CEP44: variants seen among roughly 807,000 people sequenced by gnomAD.
CEP44 encodes centrosomal protein of 44 kDa.
A neutral mutation model predicts 46.7 loss-of-function variants in CEP44; 45 were observed. The observed-to-expected ratio is 0.96, with a 90% confidence interval of 0.76 to 1.24. CEP44 has a LOEUF of 1.24. CEP44 is among the 50% of genes most tolerant of loss of function. The probability of loss-of-function intolerance (pLI) is 0.00; values close to 1 mark genes in which losing one functional copy is unlikely to be tolerated. For synonymous variants in CEP44, 142 were observed against 146.0 expected (o/e 0.97, Z 0.20); for missense variants, 475 against 459.7 (o/e 1.03, Z -0.30).
At position 174,318,188 on chromosome 4, in the gene CEP44, T is replaced by C. The variant is rs1301556686; in HGVS notation, c.*805T>C. 4 of 671,134 alleles carry C rather than the reference T, an allele frequency of 6.0e-6. No individual in the cohort carries two copies. Among genetic ancestry groups the C allele is most frequent in the Non-Finnish European group, 7.4e-6 (4 of 543,272 alleles). 41.6% of individuals were successfully genotyped at this position (671,134 alleles called of 1,614,324 possible). A position where few individuals can be genotyped will look rare whatever the true frequency, so the allele number is the denominator to read the frequency against. Reference sequence around the variant, plus strand: ...AAGTGATTCTTGTGCCTCAGCCTCCTGAGTAGCTGGGATTATAGGCATGCA... The same window carrying C: ...AAGTGATTCTTGTGCCTCAGCCTCCCGAGTAGCTGGGATTATAGGCATGCA... On this transcript the variant is annotated 3_prime_UTR_variant, in exon 12 of 12. Coordinates refer to ENST00000503780, the MANE Select transcript of CEP44 (RefSeq NM_001040157.3).
intron 3 of CEP44, among the ~76,000 whole-genome samples, chr4:174,300,017 C>T (rs1739529376): frequency 6.6e-6 from 1 of 152,024 alleles, no homozygotes; most frequent in South Asian, 2.1e-4. Context: ...ACTGTGGAAT[C>T]CCCCCATCTA....
At chr4:174,295,636 C>T (rs981993656) in intron 1 of CEP44, among the ~76,000 whole-genome samples, 85 of 152,042 alleles carry the variant, frequency 5.6e-4, no homozygotes, top group Non-Finnish European at 1.0e-3. Flanking sequence ...CCAAGGCAGG[C>T]GGCTGGGAGG....
chr4:174,319,881 G>A lies in CEP44; in HGVS notation c.*2498G>A. On this transcript the variant is annotated 3_prime_UTR_variant, in exon 12 of 12. Transcript: ENST00000503780. The stretch of plus-strand genomic sequence containing the variant: ...TATTTTAAAAAGTTTTCTTGTTTAG[G>A]CAATTTGGTAAGTGGTTTCTAGTTA... 2 of 985,236 alleles carry A rather than the reference G, an allele frequency of 2.0e-6. No homozygotes were observed. The highest frequency in any genetic ancestry group is 2.4e-6 in the Non-Finnish European group (2 of 829,788). 61.0% of individuals were successfully genotyped at this position (985,236 alleles called of 1,614,324 possible).
In CEP44 at chr4:174,320,239, A is replaced by G; in HGVS notation, c.*2856A>G. 1.0e-6 allele frequency: 1 copy of G among 985,040 alleles called. No homozygotes were observed. Among genetic ancestry groups the G allele is most frequent in the Non-Finnish European group, 1.2e-6 (1 of 829,632 alleles). The allele number at this position is 985,040 out of a possible 1,614,324, so 61.0% of individuals were successfully genotyped here. A position where few individuals can be genotyped will look rare whatever the true frequency, so the allele number is the denominator to read the frequency against. ...AAAGCTAAGTACTATTGAGTTGGAA[A>G]AAAGTAATTCTATCATGTTTGCTTG... is the stretch of plus-strand genomic sequence containing the variant. On this transcript the variant is annotated 3_prime_UTR_variant, in exon 12 of 12. Coordinates refer to ENST00000503780, the MANE Select transcript of CEP44 (RefSeq NM_001040157.3).
chr4:174,302,093 C>T lies in CEP44; in HGVS notation c.144C>T (p.Thr48=). Residue 48 remains threonine (T), a synonymous_variant, in exon 4 of 12, where the codon ACC becomes ACT. Transcript: ENST00000503780. ...TGCCCATCATCAGCTATTCTTTTACCTCATACTCACCTTATGTAACAGAAC... is the reference window on the plus strand; with the variant it reads ...TGCCCATCATCAGCTATTCTTTTACTTCATACTCACCTTATGTAACAGAAC... The part of the protein sequence containing the change: ...ASLPIISYSF[T]SYSPYVTELI... The T allele has an allele frequency of 6.2e-7, 1 of 1,612,118 alleles. No homozygotes were observed. Among genetic ancestry groups the T allele is most frequent in the Non-Finnish European group, 8.5e-7 (1 of 1,179,360 alleles).
In CEP44 at chr4:174,303,710, G is replaced by T; in HGVS notation, c.245G>T (p.Arg82Leu). Residue 82 changes from arginine to leucine, a missense_variant, in exon 5 of 12, where the codon CGT becomes CTT. Coordinates refer to ENST00000503780, the MANE Select transcript of CEP44 (RefSeq NM_001040157.3). ...RFIDAVYKLLRDQFNYKPILT... is the reference protein window; with the variant it reads ...RFIDAVYKLLLDQFNYKPILT... ...AGTCTGTTTCCTCTGCAGCTTCTTC[G>T]TGATCAATTTAATTATAAACCAATT... The T allele has an allele frequency of 2.0e-6, 3 of 1,521,536 alleles. No homozygotes were observed. Among genetic ancestry groups the T allele is most frequent in the Non-Finnish European group, 2.7e-6 (3 of 1,115,914 alleles). The allele number at this position is 1,521,536 out of a possible 1,614,324, so 94.3% of individuals were successfully genotyped here.
At chr4:174,327,452 A>G (rs1742755496) in intron 8 of CEP44, among the ~76,000 whole-genome samples, 1 of 151,952 alleles carries the variant, frequency 6.6e-6, no homozygotes, top group Admixed American at 6.6e-5. Flanking sequence ...CTAAGATTAT[A>G]CATATTAAAG....
chr4:174,299,539 GGAT>G (rs1739469917), intron 3 of CEP44, among the ~76,000 whole-genome samples: 1 of 152,138 alleles, frequency 6.6e-6, no homozygotes, highest in East Asian at 1.9e-4. Flanking sequence ...ATATTCAGTT[GGAT>G]GATATTTCTT....
rs764927945 is a variant in CEP44, at chr4:174,301,034, C to G, written c.90-1005C>G. On this transcript the variant is annotated intron_variant, in intron 3 of 11. Transcript: ENST00000503780. The surrounding 1 kb of genome is among the most constrained non-coding windows in gnomAD (Gnocchi z 4.3). ...AGTTTTCTGATTGGGTGAAATATTACAGTATTTCAAAGAAACATAAAAGAA... is the reference window on the plus strand; with the variant it reads ...AGTTTTCTGATTGGGTGAAATATTAGAGTATTTCAAAGAAACATAAAAGAA... Among the ~76,000 whole-genome samples the G allele has an allele frequency of 6.6e-6, 1 of 151,686 alleles. No homozygotes were observed. Among genetic ancestry groups the G allele is most frequent in the Non-Finnish European group, 1.5e-5 (1 of 67,910 alleles).
chr4:174,311,686 T>G lies in CEP44; in HGVS notation c.961+828T>G, dbSNP rs1286755678. Among the ~76,000 whole-genome samples, 2 of 152,182 alleles carry G rather than the reference T, an allele frequency of 1.3e-5. No homozygotes were observed. Among genetic ancestry groups the G allele is most frequent in the Non-Finnish European group, 2.9e-5 (2 of 68,016 alleles). ...CTTGAAGTAACCATTGCAAGATAAG[T>G]ACTATTTTTATATTTTACAGTTGAG... is the stretch of plus-strand genomic sequence containing the variant. On this transcript the variant is annotated intron_variant, in intron 9 of 11. Coordinates refer to ENST00000503780, the MANE Select transcript of CEP44 (RefSeq NM_001040157.3). This position sits in a 1 kb window ranked among gnomAD's most constrained non-coding sequence, Gnocchi z 4.4.
At chr4:174,295,056 G>A (rs1472585133) in intron 1 of CEP44, among the ~76,000 whole-genome samples, 3 of 144,178 alleles carry the variant, frequency 2.1e-5, no homozygotes, top group Admixed American at 6.8e-5. Flanking sequence ...CCTCCCGGAC[G>A]GGGCGGCTGG....
At chr4:174,316,058 C>T in intron 9 of CEP44, 108 bp from the exon 10 acceptor site, 1 of 1,338,068 alleles carries the variant, frequency 7.5e-7, no homozygotes, top group South Asian at 1.4e-5. Flanking sequence ...TGCGGATAGC[C>T]ATTTTTAATT....
At chr4:174,315,784 T>C (rs1741613203) in intron 9 of CEP44, among the ~76,000 whole-genome samples, 1 of 141,408 alleles carries the variant, frequency 7.1e-6, no homozygotes, top group Non-Finnish European at 1.5e-5. Context: ...GAGCTTGCAG[T>C]GAGCCGAGAT....
downstream of CEP44, among the ~76,000 whole-genome samples, chr4:174,324,470 CTT>C (rs1219507682): frequency 6.6e-6 from 1 of 152,158 alleles, no homozygotes; most frequent in South Asian, 2.1e-4. Flanking sequence ...CTGCCAAACT[CTT>C]TTCCAAACTG....
chr4:174,297,674 GTGTGT>G lies in CEP44; in HGVS notation c.-147-291_-147-287del, dbSNP rs1739211992. ...TTAGTGTGTGTGTGTGTGTGTGTGT[GTGTGT>G]GTGTGTTTTCATTAATACTTCTTTC... On this transcript the variant is annotated intron_variant, in intron 1 of 11. Transcript: ENST00000503780. The surrounding 1 kb of genome is among the most constrained non-coding windows in gnomAD (Gnocchi z 4.3). Among the ~76,000 whole-genome samples the G allele has an allele frequency of 1.3e-5, 2 of 151,734 alleles. No individual in the cohort carries two copies. Among genetic ancestry groups the G allele is most frequent in the Non-Finnish European group, 2.9e-5 (2 of 67,980 alleles).
intron 6 of CEP44, 98 bp downstream of exon 6, chr4:174,304,467 T>A (rs1383883985): frequency 6.8e-7 from 1 of 1,469,134 alleles, no homozygotes; most frequent in Non-Finnish European, 9.1e-7. Context: ...ATGAACATTC[T>A]AGTTAGATAT....
intron 2 of CEP44, among the ~76,000 whole-genome samples, 187 bp downstream of exon 2, chr4:174,298,249 C>T (rs1579093602): frequency 7.1e-6 from 1 of 140,564 alleles, no homozygotes; most frequent in South Asian, 2.2e-4. Flanking sequence ...GATCTCGGCT[C>T]ACTGCAAGCT....
Position 174,319,052 on chromosome 4 carries a change from G to A in CEP44, c.*1669G>A, listed in dbSNP as rs900870635. The A allele has an allele frequency of 1.0e-5, 7 of 666,814 alleles. No individual in the cohort carries two copies. The highest frequency in any genetic ancestry group is 7.5e-4 in the Middle Eastern group (1 of 1,326). The allele number at this position is 666,814 out of a possible 1,614,324, so 41.3% of individuals were successfully genotyped here. A position where few individuals can be genotyped will look rare whatever the true frequency, so the allele number is the denominator to read the frequency against. On this transcript the variant is annotated 3_prime_UTR_variant, in exon 12 of 12. Transcript: ENST00000503780. Reference sequence around the variant, plus strand: ...TCAAACTCGTGAGCTAAAGCTACTCGCCCACCTGGATGTCCCAAAGTGCTA... The same window carrying A: ...TCAAACTCGTGAGCTAAAGCTACTCACCCACCTGGATGTCCCAAAGTGCTA...
rs1417383427 is a variant in CEP44 at position 174,298,037 on chromosome 4, G to C, written c.-76G>C. 1 of 152,032 alleles carries C rather than the reference G, an allele frequency of 6.6e-6. No homozygotes were observed. Among genetic ancestry groups the C allele is most frequent in the African/African-American group, 2.4e-5 (1 of 41,366 alleles). 9.4% of individuals were successfully genotyped at this position (152,032 alleles called of 1,614,324 possible). On this transcript the variant is annotated 5_prime_UTR_variant, in exon 2 of 12. Coordinates refer to ENST00000503780, the MANE Select transcript of CEP44 (RefSeq NM_001040157.3). ...TTTCCTCCTAAATATTAGGCAGATG[G>C]GATTGGCTGGTCTGTGCTCTGCTAG...
Sources: gnomAD v4.1 joint callset for allele counts (sites outside exome capture counted in the v4.1 genomes callset) on GRCh38, gnomAD v4.1.1 for gene constraint, Gnocchi (gnomAD v3.1) non-coding constraint, MANE v1.5 for transcripts, NCBI Gene and HGNC (gene_info 2026-07-23, HGNC 2026-07-21) for gene names.